Variants in COLGALT2 observed in about 807,000 individuals in gnomAD.
COLGALT2 encodes the protein procollagen galactosyltransferase 2.
In COLGALT2, 49 loss-of-function variants were observed where a neutral mutation model predicts 73.4. The observed-to-expected ratio is 0.67, with a 90% CI of 0.53 to 0.85. The LOEUF (loss-of-function observed/expected upper bound fraction) is 0.85. COLGALT2 is among the 40% of genes least tolerant of loss of function. COLGALT2 has a pLI of 0.00. For synonymous variants in COLGALT2, 295 were observed against 307.6 expected (o/e 0.96, Z 0.43); for missense variants, 722 against 790.2 (o/e 0.91, Z 1.03).
chr1:183,931,945 G>A (rs566147482), downstream of COLGALT2, among the ~76,000 whole-genome samples: 1 of 151,468 alleles, frequency 6.6e-6, no homozygotes, highest in Admixed American at 6.6e-5. Flanking sequence ...CTTTGACATC[G>A]ATTTCTGATC....
chr1:183,945,025 C>T (rs1053175853), intron 9 of COLGALT2, among the ~76,000 whole-genome samples: 18 of 152,132 alleles, frequency 1.2e-4, no homozygotes, highest in African/African-American at 2.9e-4. Flanking sequence ...CACTTCTTAC[C>T]GGGTCAAGCT....
intron 1 of COLGALT2, among the ~76,000 whole-genome samples, chr1:184,008,351 A>G (rs888147167): frequency 2.6e-5 from 4 of 152,250 alleles, no homozygotes; most frequent in African/African-American, 7.2e-5. Context: ...AAATGATTTT[A>G]GACTGGATCT....
Position 184,037,365 on chromosome 1 carries a change from G to T in COLGALT2, c.-8C>A. On this transcript the variant is annotated 5_prime_UTR_variant, in exon 1 of 12. Coordinates refer to ENST00000361927, the MANE Select transcript of COLGALT2 (RefSeq NM_015101.4). The stretch of plus-strand genomic sequence containing the variant: ...AGCAGGGCGCGCAGCCATGTTCCGG[G>T]CCGAGGCGGGCGGCGGGGAAGTCCT... 2.1e-6 allele frequency: 3 copies of T among 1,411,254 alleles called. No homozygotes were observed. The highest frequency in any genetic ancestry group is 1.9e-6 in the Non-Finnish European group (2 of 1,081,022). 87.4% of individuals were successfully genotyped at this position (1,411,254 alleles called of 1,614,324 possible).
chr1:183,950,906 G>A, intron 8 of COLGALT2, 101 bp downstream of exon 8: 1 of 812,630 alleles, frequency 1.2e-6, no homozygotes, highest in East Asian at 2.5e-5. Flanking sequence ...ATCCTCTAAT[G>A]ACCGAAGAGA....
intron 1 of COLGALT2, among the ~76,000 whole-genome samples, chr1:183,987,079 A>T (rs147598913): frequency 1.3e-5 from 2 of 152,352 alleles, no homozygotes; most frequent in East Asian, 3.9e-4. Context: ...GGGAAGATTC[A>T]TTCATTCCCT....
chr1:184,015,298 T>C (rs1391625126), intron 1 of COLGALT2, among the ~76,000 whole-genome samples: 1 of 152,166 alleles, frequency 6.6e-6, no homozygotes, highest in East Asian at 1.9e-4. Flanking sequence ...GAATGTAAGG[T>C]AAATACACAT....
intron 1 of COLGALT2, among the ~76,000 whole-genome samples, chr1:184,005,846 G>T (rs890159105): frequency 2.6e-5 from 4 of 152,318 alleles, no homozygotes; most frequent in African/African-American, 9.6e-5. Flanking sequence ...GACAGAAAGT[G>T]CAAGTTATTG....
downstream of COLGALT2, among the ~76,000 whole-genome samples, chr1:183,931,839 G>A (rs568450502): frequency 4.8e-4 from 68 of 142,758 alleles, no homozygotes; most frequent in African/African-American, 1.7e-3. Context: ...GATTTAAGCT[G>A]TTTCTGAATT....
chr1:184,007,487 A>G (rs1672117123), intron 1 of COLGALT2, among the ~76,000 whole-genome samples: 1 of 152,238 alleles, frequency 6.6e-6, no homozygotes, highest in South Asian at 2.1e-4. Flanking sequence ...ACTTGATTAA[A>G]TATCATATTT....
intron 9 of COLGALT2, among the ~76,000 whole-genome samples, chr1:183,944,647 G>A (rs1212811933): frequency 6.6e-6 from 1 of 152,134 alleles, no homozygotes; most frequent in Non-Finnish European, 1.5e-5. Context: ...TCAGGATGGT[G>A]ACTGCCCTTG....
rs114508217 is a variant in COLGALT2 at position 183,964,105 on chromosome 1, C to T, written c.833-85G>A. The T allele has an allele frequency of 5.2e-4, 767 of 1,469,910 alleles. 4 individuals are homozygous for T. In the African/African-American group the frequency reaches 9.8e-3, roughly 19 times the overall value. The allele number at this position is 1,469,910 out of a possible 1,614,324, so 91.1% of individuals were successfully genotyped here. A position where few individuals can be genotyped will look rare whatever the true frequency, so the allele number is the denominator to read the frequency against. ...CGAGGAGAAGGAACCTGAACTGTGT[C>T]TGATGCTGAGTTTGACACTGCAATT... On this transcript the variant is annotated intron_variant, in intron 5 of 11. Transcript: ENST00000361927.
Position 183,939,079 on chromosome 1 carries a change from G to A in COLGALT2, c.1605-42C>T, listed in dbSNP as rs758838839. 8.7e-6 allele frequency: 13 copies of A among 1,497,118 alleles called. No individual in the cohort carries two copies. The East Asian group carries it at 2.7e-4, about 31-fold the overall frequency. The allele number at this position is 1,497,118 out of a possible 1,614,324, so 92.7% of individuals were successfully genotyped here. ...GGCCGGACACATGAGGGGGCGGAAAGGAGACTTACGGAACAGGGACAAAGA... is the reference window on the plus strand; with the variant it reads ...GGCCGGACACATGAGGGGGCGGAAAAGAGACTTACGGAACAGGGACAAAGA... On this transcript the variant is annotated intron_variant, in intron 11 of 11. Coordinates refer to ENST00000361927, the MANE Select transcript of COLGALT2 (RefSeq NM_015101.4).
chr1:183,988,582 T>C (rs562307340), intron 1 of COLGALT2, among the ~76,000 whole-genome samples: 1 of 152,336 alleles, frequency 6.6e-6, no homozygotes, highest in African/African-American at 2.4e-5. Context: ...ATCAATGGAA[T>C]CATATGATTG....
chr1:184,012,135 T>C (rs1026959501), intron 1 of COLGALT2, among the ~76,000 whole-genome samples: 2 of 152,208 alleles, frequency 1.3e-5, no homozygotes, highest in Admixed American at 6.5e-5. Context: ...ATCTAGACCA[T>C]CATGGTCCAC....
Position 184,037,202 on chromosome 1 carries a change from G to A in COLGALT2, c.156C>T (p.Ser52=). The change falls in exon 1 of 12, where the codon AGC becomes AGT. Residue 52 remains serine (S), a synonymous_variant. Transcript: ENST00000361927. ...CGAGGACCGCCACGAGCACCGTGGG[G>A]CTCTGCAGGGGCGACTCCGGGAAAA... The part of the protein sequence containing the change: ...PVVFPESPLQ[S]PTVLVAVLAR... 1 of 1,604,436 alleles carries A rather than the reference G, an allele frequency of 6.2e-7. No individual in the cohort carries two copies. Among genetic ancestry groups the A allele is most frequent in the East Asian group, 2.3e-5 (1 of 44,396 alleles).
chr1:184,030,033 G>A (rs1269865741), intron 1 of COLGALT2, among the ~76,000 whole-genome samples: 1 of 152,226 alleles, frequency 6.6e-6, no homozygotes, highest in South Asian at 2.1e-4. Flanking sequence ...GTCACTGGCA[G>A]GTGGTATAGA....
At chr1:184,035,299 C>T (rs1032330475) in intron 1 of COLGALT2, among the ~76,000 whole-genome samples, 9 of 152,204 alleles carry the variant, frequency 5.9e-5, no homozygotes, top group Non-Finnish European at 1.3e-4. Flanking sequence ...GATGAGGCAA[C>T]TGATGCCTAT....
chr1:184,034,800 C>T (rs897576368), intron 1 of COLGALT2, among the ~76,000 whole-genome samples: 1 of 152,220 alleles, frequency 6.6e-6, no homozygotes, highest in Non-Finnish European at 1.5e-5. Context: ...AAGTCAATCA[C>T]TTTAAACACA....
At chr1:183,949,078 AAAG>A (rs1670323995) in intron 8 of COLGALT2, among the ~76,000 whole-genome samples, 1 of 152,218 alleles carries the variant, frequency 6.6e-6, no homozygotes, top group Admixed American at 6.5e-5. Flanking sequence ...TCAAAGAACT[AAAG>A]AAGATCTAAA....
Sources: allele counts gnomAD v4.1 joint callset (sites outside exome capture counted in the v4.1 genomes callset), GRCh38; gene constraint gnomAD v4.1.1; transcripts MANE v1.5; gene names NCBI Gene and HGNC (gene_info 2026-07-23, HGNC 2026-07-21).